CDYL: variants seen among roughly 807,000 people sequenced by gnomAD.
CDYL encodes the protein chromodomain Y like.
A neutral mutation model predicts 47.3 loss-of-function variants in CDYL; 8 were observed. The ratio of observed to expected loss-of-function variants is 0.17; its 90% confidence interval spans 0.10 to 0.31. The LOEUF is 0.31. CDYL is among the 10% of genes least tolerant of loss of function. The pLI is 1.00. For synonymous variants in CDYL, 266 were observed against 265.0 expected (o/e 1.00, Z -0.04); for missense variants, 471 against 701.4 (o/e 0.67, Z 3.71).
chr6:4,913,880 C>T (rs1482551823), intron 2 of CDYL, among the ~76,000 whole-genome samples: 3 of 152,272 alleles, frequency 2.0e-5, no homozygotes, highest in Admixed American at 6.5e-5. Context: ...TGGCCAGGAG[C>T]CCTTGTTGGC....
At chr6:4,767,556 G>C (rs1758274578) in intron 3 of CDYL, among the ~76,000 whole-genome samples, 1 of 151,086 alleles carries the variant, frequency 6.6e-6, no homozygotes, top group Admixed American at 6.6e-5. Flanking sequence ...CTGGGTGACA[G>C]AGTAAGACAC....
At chr6:4,951,641 C>A (rs757785243) in intron 5 of CDYL, among the ~76,000 whole-genome samples, 15 of 151,944 alleles carry the variant, frequency 9.9e-5, no homozygotes, top group Admixed American at 2.0e-4. Flanking sequence ...CTGGATAGTT[C>A]TGTCTTTTCG....
At chr6:4,760,423 A>G (rs1758157092) in intron 3 of CDYL, among the ~76,000 whole-genome samples, 1 of 152,168 alleles carries the variant, frequency 6.6e-6, no homozygotes, top group Non-Finnish European at 1.5e-5. Context: ...CCAAGAATAA[A>G]TAAATGTTGA....
intron 2 of CDYL, among the ~76,000 whole-genome samples, chr6:4,724,250 T>C (rs1426828608): frequency 1.3e-5 from 2 of 152,026 alleles, no homozygotes; most frequent in Non-Finnish European, 2.9e-5. Flanking sequence ...GGTTTCATTA[T>C]ATGTTGGCCC....
intron 2 of CDYL, among the ~76,000 whole-genome samples, chr6:4,731,109 A>T (rs527749175): frequency 2.0e-5 from 3 of 152,290 alleles, no homozygotes; most frequent in South Asian, 4.1e-4. Context: ...ACTAGTGCGA[A>T]TACTCCATTG....
At chr6:4,815,628 A>G (rs1301800909) in intron 1 of CDYL, among the ~76,000 whole-genome samples, 1 of 150,362 alleles carries the variant, frequency 6.7e-6, no homozygotes, top group African/African-American at 2.4e-5. Flanking sequence ...TTGCTAATCT[A>G]ATGGACAGAA....
chr6:4,804,545 C>T (rs1422173414), intron 1 of CDYL, among the ~76,000 whole-genome samples: 1 of 152,238 alleles, frequency 6.6e-6, no homozygotes, highest in Non-Finnish European at 1.5e-5. Context: ...CCTGCTCTTC[C>T]TCCCCATCAG....
intron 1 of CDYL, among the ~76,000 whole-genome samples, chr6:4,882,609 G>A (rs2127478871): frequency 6.6e-6 from 1 of 152,322 alleles, no homozygotes; most frequent in Admixed American, 6.5e-5. Flanking sequence ...ACTTGTTAAG[G>A]CAGAAGGCTA....
rs185732186 is a variant in CDYL at position 4,920,653 on chromosome 6, C to T, written c.692-14862C>T. Among the ~76,000 whole-genome samples the T allele has an allele frequency of 3.3e-4, 50 of 152,324 alleles. No individual in the cohort carries two copies. The East Asian group carries it at 9.7e-3, about 29-fold the overall frequency. On this transcript the variant is annotated intron_variant, in intron 2 of 6. Coordinates refer to ENST00000397588, the MANE Select transcript of CDYL (RefSeq NM_004824.4). ...TGATTGATTGAGATGGAGTCTCGCT[C>T]TGTCGCCCAGGCTGGAGTGTACTGG...
At chr6:4,774,003 A>G (rs201790425), upstream of CDYL, among the ~76,000 whole-genome samples, 27 of 152,206 alleles carry the variant, frequency 1.8e-4, 1 homozygote, top group South Asian at 2.7e-3. Flanking sequence ...GTGGATGTCT[A>G]TGTTCCTTTC....
At chr6:4,874,110 C>T (rs2127474602) in intron 1 of CDYL, among the ~76,000 whole-genome samples, 1 of 152,280 alleles carries the variant, frequency 6.6e-6, no homozygotes, top group East Asian at 1.9e-4. Flanking sequence ...GGTGTTTCTT[C>T]ACACCTCTGT....
intron 1 of CDYL, among the ~76,000 whole-genome samples, chr6:4,862,279 A>T (rs1001568587): frequency 6.6e-6 from 1 of 152,182 alleles, no homozygotes; most frequent in Non-Finnish European, 1.5e-5. Flanking sequence ...AGAGAGAGGA[A>T]AGTGCTGCTG....
chr6:4,858,461 T>C (rs147566901), intron 1 of CDYL, among the ~76,000 whole-genome samples: 41 of 152,304 alleles, frequency 2.7e-4, no homozygotes, highest in African/African-American at 9.9e-4. Context: ...GCACTGCTAT[T>C]GTCCAGCCGT....
intron 1 of CDYL, among the ~76,000 whole-genome samples, chr6:4,818,209 T>A (rs1759726908): frequency 6.6e-6 from 1 of 152,094 alleles, no homozygotes; most frequent in Admixed American, 6.6e-5. Context: ...GAGTGGAGAT[T>A]GTGCCACTGC....
chr6:4,878,963 G>T (rs1182426945), intron 1 of CDYL, among the ~76,000 whole-genome samples: 2 of 151,350 alleles, frequency 1.3e-5, no homozygotes, highest in South Asian at 2.1e-4. Flanking sequence ...TTTGACTCAT[G>T]GTTTATTTAG....
intron 2 of CDYL, among the ~76,000 whole-genome samples, chr6:4,720,747 G>T (rs1441942689): frequency 6.6e-6 from 1 of 152,176 alleles, no homozygotes; most frequent in Non-Finnish European, 1.5e-5. Flanking sequence ...TGAAATTCTG[G>T]CTTCCTGGAG....
intron 2 of CDYL, among the ~76,000 whole-genome samples, chr6:4,934,474 T>C (rs1253606509): frequency 1.3e-5 from 2 of 152,194 alleles, no homozygotes; most frequent in Non-Finnish European, 2.9e-5. Context: ...GCTTATTCTC[T>C]TTCACTTTGG....
intron 6 of CDYL, 106 bp downstream of exon 6, chr6:4,952,515 T>C: frequency 8.0e-7 from 1 of 1,252,304 alleles, no homozygotes; most frequent in Non-Finnish European, 1.1e-6. Context: ...ACGTTTGTCC[T>C]CAACAGAGCA....
chr6:4,919,849 C>T (rs1337929939), intron 2 of CDYL, among the ~76,000 whole-genome samples: 5 of 152,088 alleles, frequency 3.3e-5, no homozygotes, highest in Non-Finnish European at 7.4e-5. Flanking sequence ...TGCAGCGGTT[C>T]TATTTCTAGG....
Sources: allele counts gnomAD v4.1 joint callset (sites outside exome capture counted in the v4.1 genomes callset), GRCh38; gene constraint gnomAD v4.1.1; transcripts MANE v1.5; gene names NCBI Gene and HGNC (gene_info 2026-07-23, HGNC 2026-07-21).